Variants in PYHIN1 observed in about 807,000 individuals in gnomAD.
The protein encoded by PYHIN1 is pyrin and HIN domain-containing protein 1.
PYHIN1 carries 32 observed loss-of-function variants against 43.7 expected under a neutral mutation model. The ratio of observed to expected loss-of-function variants is 0.73; its 90% CI spans 0.55 to 0.98. PYHIN1 has a LOEUF of 0.98. PYHIN1 is among the 50% of genes least tolerant of loss of function. The pLI, the probability that PYHIN1 is intolerant of heterozygous loss-of-function variation, is 0.00. For missense variants in PYHIN1, 588 were observed against 589.5 expected, an observed-to-expected ratio of 1.00 and a Z score of 0.03; for synonymous variants, 205 against 203.1, an observed-to-expected ratio of 1.01 and a Z score of -0.08.
At chr1:158,972,164 T>C (rs1650969385) in intron 7 of PYHIN1, among the ~76,000 whole-genome samples, 1 of 151,908 alleles carries the variant, frequency 6.6e-6, no homozygotes, top group Non-Finnish European at 1.5e-5. Context: ...TCAAAGTGTA[T>C]AGTCTGCATA....
chr1:158,936,191 C>T (rs1648531094), intron 1 of PYHIN1, among the ~76,000 whole-genome samples: 1 of 143,638 alleles, frequency 7.0e-6, no homozygotes, highest in Non-Finnish European at 1.5e-5. Flanking sequence ...GGTATATCAC[C>T]TAATGCTATC....
intron 7 of PYHIN1, among the ~76,000 whole-genome samples, chr1:158,973,443 A>G (rs1367332943): frequency 1.3e-5 from 2 of 151,754 alleles, no homozygotes; most frequent in African/African-American, 4.8e-5. Flanking sequence ...GGGTTAAGAA[A>G]ACTAAATGTA....
chr1:158,943,980 T>A lies in PYHIN1; in HGVS notation c.1191+2T>A. 6.3e-7 allele frequency: 1 copy of A among 1,574,904 alleles called. No homozygotes were observed. Among genetic ancestry groups the A allele is most frequent in the Non-Finnish European group, 8.7e-7 (1 of 1,155,514 alleles). On this transcript the variant is annotated splice_donor_variant, in intron 6 of 8. Coordinates refer to ENST00000368140, the MANE Select transcript of PYHIN1 (RefSeq NM_152501.5). LOFTEE classifies it high-confidence loss of function. The stretch of plus-strand genomic sequence containing the variant: ...TCAGAAATGCATAGTTTCATCCAGG[T>A]GAGAAATAAAGAAACAAATATTAGT...
At chr1:158,946,115 GA>G (rs747618164) in intron 7 of PYHIN1, among the ~76,000 whole-genome samples, 2 of 152,210 alleles carry the variant, frequency 1.3e-5, no homozygotes, top group Non-Finnish European at 2.9e-5. Context: ...GTCATTTAAT[GA>G]ATATGTTTGC....
At chr1:158,964,690 G>A (rs1650521479) in intron 7 of PYHIN1, among the ~76,000 whole-genome samples, 1 of 152,124 alleles carries the variant, frequency 6.6e-6, no homozygotes, top group Admixed American at 6.5e-5. Flanking sequence ...CAAATGCTGA[G>A]GGAATTTGTT....
At chr1:158,936,867 C>T in intron 1 of PYHIN1, 24 bp from the exon 2 acceptor site, 1 of 1,486,892 alleles carries the variant, frequency 6.7e-7, no homozygotes, top group African/African-American at 1.4e-5. Context: ...ATGTGTAACA[C>T]TATATACCAT....
Position 158,943,890 on chromosome 1 carries a change from A to G in PYHIN1, c.1103A>G (p.Lys368Arg). Residue 368 changes from lysine to arginine, a missense_variant, in exon 6 of 9, where the codon AAA becomes AGA. Physicochemically the swap from Lys to Arg is conservative, Grantham distance 26. Coordinates refer to ENST00000368140, the MANE Select transcript of PYHIN1 (RefSeq NM_152501.5). Reference protein sequence around the residue: ...KGECHNIPCEKGDKLRLFCFR... With the variant: ...KGECHNIPCERGDKLRLFCFR... ...GAATGCCACAATATCCCCTGTGAAAAAGGAGATAAGCTTCGACTCTTCTGC... is the reference window on the plus strand; with the variant it reads ...GAATGCCACAATATCCCCTGTGAAAGAGGAGATAAGCTTCGACTCTTCTGC... 1 of 1,610,382 alleles carries G rather than the reference A, an allele frequency of 6.2e-7. No individual in the cohort carries two copies. The highest frequency in any genetic ancestry group is 8.5e-7 in the Non-Finnish European group (1 of 1,177,310).
intron 4 of PYHIN1, chr1:158,940,112 G>A (rs866721289): frequency 6.6e-6 from 1 of 152,554 alleles, no homozygotes; most frequent in African/African-American, 2.4e-5. Flanking sequence ...TATAATCCCA[G>A]CTACTCAGGA....
At chr1:158,936,448 T>C (rs1392363315) in intron 1 of PYHIN1, among the ~76,000 whole-genome samples, 5 of 151,964 alleles carry the variant, frequency 3.3e-5, no homozygotes, top group Non-Finnish European at 5.9e-5. Flanking sequence ...TGATGCTCAA[T>C]AGAATACTGG....
intron 1 of PYHIN1, among the ~76,000 whole-genome samples, chr1:158,934,947 C>G (rs768643338): frequency 1.3e-5 from 2 of 152,116 alleles, no homozygotes; most frequent in Non-Finnish European, 2.9e-5. Flanking sequence ...CCAGGCTGGT[C>G]TTGAACCCTT....
chr1:158,972,836 A>G (rs1651010845), intron 7 of PYHIN1, among the ~76,000 whole-genome samples: 1 of 152,016 alleles, frequency 6.6e-6, no homozygotes, highest in Non-Finnish European at 1.5e-5. Flanking sequence ...ATGTCCATTT[A>G]TTTCCTTTAT....
chr1:158,976,515 G>C (rs1651266523), intron 8 of PYHIN1, among the ~76,000 whole-genome samples, 186 bp from the exon 9 acceptor site: 1 of 151,980 alleles, frequency 6.6e-6, no homozygotes, highest in African/African-American at 2.4e-5. Context: ...TCCCAACAGA[G>C]GGGGAAGATG....
At chr1:158,975,320 C>G (rs1557847549) in intron 8 of PYHIN1, among the ~76,000 whole-genome samples, 1 of 151,958 alleles carries the variant, frequency 6.6e-6, no homozygotes, top group Non-Finnish European at 1.5e-5. Flanking sequence ...TATTTTTCAT[C>G]TTTTGTCATG....
At chr1:158,981,503 A>C (rs1356059684), downstream of PYHIN1, among the ~76,000 whole-genome samples, 1 of 152,132 alleles carries the variant, frequency 6.6e-6, no homozygotes, top group Non-Finnish European at 1.5e-5. Context: ...ACAAACAAAC[A>C]AAGAAACCAT....
At chr1:158,984,593 T>C in the PYHIN1 span, among the ~76,000 whole-genome samples, 2 of 152,164 alleles carry the variant, frequency 1.3e-5, no homozygotes, top group African/African-American at 4.8e-5. Flanking sequence ...GCACAGAGTA[T>C]GTGCCATGTG....
Position 158,942,030 on chromosome 1 carries a change from A to G in PYHIN1, c.633A>G (p.Arg211=). The G allele has an allele frequency of 6.2e-7, 1 of 1,612,702 alleles. No homozygotes were observed. Among genetic ancestry groups the G allele is most frequent in the Non-Finnish European group, 8.5e-7 (1 of 1,179,342 alleles). ...CAACTGCCAGTAAAAATATTTTCCG[A>G]GAAGACCCAATAATCGCGATGGTAC... ...RHATASKNIF[R]EDPIIAMVLN... The change falls in exon 5 of 9, where the codon CGA becomes CGG. Residue 211 remains arginine (R), a synonymous_variant. Transcript: ENST00000368140.
intron 7 of PYHIN1, among the ~76,000 whole-genome samples, chr1:158,958,756 TA>T (rs201845506): frequency 0.015 from 1,036 of 69,574 alleles, 21 homozygotes; most frequent in African/African-American, 0.061. Context: ...TAAAGTATAA[TA>T]AAAAAAAAGA....
chr1:158,969,263 GA>G (rs1039630682), intron 7 of PYHIN1, among the ~76,000 whole-genome samples: 1 of 151,984 alleles, frequency 6.6e-6, no homozygotes, highest in African/African-American at 2.4e-5. Flanking sequence ...CTTCGCATGA[GA>G]AATTAGGTAA....
chr1:158,939,565 G>A (rs1349521867), intron 4 of PYHIN1: 9 of 1,521,350 alleles, frequency 5.9e-6, no homozygotes, highest in Admixed American at 3.9e-5. Flanking sequence ...TCACTAATTT[G>A]TTCAAGTTTC....
Sources: allele counts gnomAD v4.1 joint callset (sites outside exome capture counted in the v4.1 genomes callset), GRCh38; gene constraint gnomAD v4.1.1; transcripts MANE v1.5; gene names NCBI Gene and HGNC (gene_info 2026-07-23, HGNC 2026-07-21).